Variants in MRPL48 observed in about 807,000 individuals in gnomAD.
The protein encoded by MRPL48 is mitochondrial ribosomal protein L48.
A neutral mutation model predicts 32.9 loss-of-function variants in MRPL48; 16 were observed. The ratio of observed to expected loss-of-function variants is 0.49; its 90% CI spans 0.33 to 0.74. The LOEUF is 0.74. Among genes scored for constraint, MRPL48 ranks in the 30% least tolerant of loss-of-function variants. The pLI is 0.02. For missense variants in MRPL48, 206 were observed against 245.3 expected, an observed-to-expected ratio of 0.84 and a Z score of 1.07; for synonymous variants, 94 against 89.2, an observed-to-expected ratio of 1.05 and a Z score of -0.31.
chr11:73,809,398 G>T (rs767471783), intron 3 of MRPL48, among the ~76,000 whole-genome samples: 1 of 151,806 alleles, frequency 6.6e-6, no homozygotes, highest in Non-Finnish European at 1.5e-5. Flanking sequence ...CAGCTACTCG[G>T]GAGGCTGAGG....
chr11:73,798,522 G>C (rs1024730416), intron 1 of MRPL48, among the ~76,000 whole-genome samples: 3 of 152,174 alleles, frequency 2.0e-5, no homozygotes, highest in African/African-American at 7.2e-5. Context: ...TGTCAGAGTG[G>C]GGAACTAGGC....
chr11:73,800,863 G>A (rs957539142), intron 1 of MRPL48, among the ~76,000 whole-genome samples: 6 of 148,518 alleles, frequency 4.0e-5, no homozygotes, highest in Non-Finnish European at 8.9e-5. Context: ...CCAGGCTGGA[G>A]TGCAATGGCG....
intron 4 of MRPL48, among the ~76,000 whole-genome samples, chr11:73,829,104 C>G (rs1337867120): frequency 6.6e-6 from 1 of 152,184 alleles, no homozygotes; most frequent in African/African-American, 2.4e-5. Flanking sequence ...CCACCTTCCT[C>G]TCCAGCCTCT....
chr11:73,850,025 G>A (rs765827961), intron 5 of MRPL48, among the ~76,000 whole-genome samples: 5 of 152,142 alleles, frequency 3.3e-5, no homozygotes, highest in Non-Finnish European at 7.3e-5. Context: ...GTTTAAGCCC[G>A]GGAGGCAGAG....
chr11:73,862,077 G>A (rs886408119), intron 6 of MRPL48, among the ~76,000 whole-genome samples: 24 of 152,238 alleles, frequency 1.6e-4, no homozygotes, highest in African/African-American at 5.8e-4. Flanking sequence ...CACTTAAGGT[G>A]AGGAGTTTGA....
intron 4 of MRPL48, among the ~76,000 whole-genome samples, chr11:73,826,258 G>A (rs1590967091): frequency 6.6e-6 from 1 of 151,758 alleles, no homozygotes; most frequent in African/African-American, 2.4e-5. Flanking sequence ...GGCCTCAAGT[G>A]ATCCTCCTGC....
At chr11:73,852,016 G>A (rs994669005) in intron 5 of MRPL48, among the ~76,000 whole-genome samples, 22 of 151,944 alleles carry the variant, frequency 1.4e-4, no homozygotes, top group Non-Finnish European at 3.2e-4. Context: ...AAGATAAACT[G>A]CAATTACAGC....
intron 5 of MRPL48, among the ~76,000 whole-genome samples, chr11:73,856,943 C>T (rs903725460): frequency 3.3e-5 from 5 of 152,004 alleles, no homozygotes; most frequent in Admixed American, 6.6e-5. Context: ...CTTTTACATA[C>T]TTAAAGGCCT....
intron 4 of MRPL48, among the ~76,000 whole-genome samples, chr11:73,837,913 A>G (rs1351466098): frequency 1.3e-5 from 2 of 152,152 alleles, no homozygotes; most frequent in Admixed American, 1.3e-4. Flanking sequence ...AGTCAGTGGC[A>G]TGATCTTGGC....
chr11:73,848,099 A>G (rs1948327656), intron 5 of MRPL48, among the ~76,000 whole-genome samples: 1 of 152,064 alleles, frequency 6.6e-6, no homozygotes, highest in South Asian at 2.1e-4. Flanking sequence ...GTTTTCTCCT[A>G]GAAGTTCTAT....
chr11:73,827,630 A>T (rs1947922535), intron 4 of MRPL48, among the ~76,000 whole-genome samples: 2 of 152,032 alleles, frequency 1.3e-5, no homozygotes, highest in African/African-American at 2.4e-5. Flanking sequence ...AGACTTCAAT[A>T]TCTCTTGGTT....
At chr11:73,804,835 T>G (rs1947420620) in intron 1 of MRPL48, among the ~76,000 whole-genome samples, 192 bp from the exon 2 acceptor site, 1 of 152,162 alleles carries the variant, frequency 6.6e-6, no homozygotes, top group Non-Finnish European at 1.5e-5. Flanking sequence ...TTTACTGTAG[T>G]GGGTGGAATG....
chr11:73,836,113 T>C (rs1336795036), intron 4 of MRPL48, among the ~76,000 whole-genome samples: 1 of 151,516 alleles, frequency 6.6e-6, no homozygotes, highest in Non-Finnish European at 1.5e-5. Context: ...TTTGTAGTTT[T>C]ATTTTTATTT....
Position 73,795,185 on chromosome 11 carries a change from G to A in MRPL48, c.21+7193G>A, listed in dbSNP as rs937473426. Among the ~76,000 whole-genome samples the A allele has an allele frequency of 3.9e-5, 6 of 152,126 alleles. 1 individual carries two copies. Among genetic ancestry groups the A allele is most frequent in the African/African-American group, 1.2e-4 (5 of 41,430 alleles). On this transcript the variant is annotated intron_variant, in intron 1 of 7. Coordinates refer to ENST00000310614, the MANE Select transcript of MRPL48 (RefSeq NM_016055.6). The stretch of plus-strand genomic sequence containing the variant: ...CCCGCCTCGGCTTTCCAAAGTGCTA[G>A]GATTACAGGTGTGAGCCACTGCACC...
At chr11:73,853,606 A>G (rs1366293314) in intron 5 of MRPL48, among the ~76,000 whole-genome samples, 1 of 151,676 alleles carries the variant, frequency 6.6e-6, no homozygotes, top group Non-Finnish European at 1.5e-5. Context: ...CACATTGTAA[A>G]CATTCTGTTA....
At chr11:73,808,456 C>A in intron 3 of MRPL48, 106 bp downstream of exon 3, 2 of 1,173,954 alleles carry the variant, frequency 1.7e-6, no homozygotes, top group Admixed American at 2.1e-5. Flanking sequence ...AGAACAGTGG[C>A]CTGAACCAAA....
At chr11:73,864,216 C>A in intron 7 of MRPL48, 80 bp from the exon 8 acceptor site, 1 of 1,278,488 alleles carries the variant, frequency 7.8e-7, no homozygotes, top group Non-Finnish European at 1.1e-6. Flanking sequence ...GGTTCAAGGG[C>A]CCTTTTTGGA....
intron 3 of MRPL48, among the ~76,000 whole-genome samples, chr11:73,816,297 G>C (rs1415505620): frequency 3.4e-5 from 5 of 148,652 alleles, no homozygotes; most frequent in Non-Finnish European, 7.5e-5. Flanking sequence ...TCCTGACCTC[G>C]TGATCCGCCC....
At chr11:73,846,502 C>T (rs1388702491) in intron 5 of MRPL48, among the ~76,000 whole-genome samples, 6 of 151,202 alleles carry the variant, frequency 4.0e-5, no homozygotes, top group African/African-American at 7.3e-5. Flanking sequence ...ATTACAGGTG[C>T]GCACTACTGC....
Sources: gnomAD v4.1 joint callset for allele counts (sites outside exome capture counted in the v4.1 genomes callset) on GRCh38, gnomAD v4.1.1 for gene constraint, MANE v1.5 for transcripts, NCBI Gene and HGNC (gene_info 2026-07-23, HGNC 2026-07-21) for gene names.